The following MYLK4 variants were observed in gnomAD, a reference collection of about 807,000 sequenced individuals.
The protein encoded by MYLK4 is caMLCK like.
A neutral mutation model predicts 48.1 loss-of-function variants in MYLK4; 46 were observed. The observed-to-expected ratio is 0.96, with a 90% CI of 0.75 to 1.22. MYLK4 has a LOEUF of 1.22. Ranked by LOEUF, MYLK4 falls within the 50% of genes most tolerant of loss-of-function variation. MYLK4 has a pLI of 0.00. For missense variants in MYLK4, 451 were observed against 486.1 expected, an observed-to-expected ratio of 0.93 and a Z score of 0.68; for synonymous variants, 170 against 180.8, an observed-to-expected ratio of 0.94 and a Z score of 0.48.
rs146924438 is a variant in MYLK4 at position 2,669,612 on chromosome 6, G to A, written c.*25+1664C>T. The stretch of plus-strand genomic sequence containing the variant: ...TGCTTCTGGGGGTGAGGGTGAAGGC[G>A]AGGGAGAGAAGGAGTGGACACAGCC... On this transcript the variant is annotated intron_variant, in intron 12 of 12. Transcript: ENST00000274643. Among the ~76,000 whole-genome samples the A allele has an allele frequency of 5.4e-3, 823 of 152,266 alleles. 9 individuals are homozygous for A. The highest frequency in any genetic ancestry group is 0.035 in the South Asian group (167 of 4,816).
At chr6:2,761,607 A>G in the MYLK4 span, among the ~76,000 whole-genome samples, 1 of 152,202 alleles carries the variant, frequency 6.6e-6, no homozygotes, top group Admixed American at 6.5e-5. Context: ...AATTCTCATG[A>G]CAGACCGTGA....
At chr6:2,684,951 T>A (rs1761469637) in intron 6 of MYLK4, among the ~76,000 whole-genome samples, 2 of 152,078 alleles carry the variant, frequency 1.3e-5, no homozygotes, top group South Asian at 4.1e-4. Context: ...GTTGTTGACA[T>A]GACCTTTGTA....
intron 2 of MYLK4, among the ~76,000 whole-genome samples, chr6:2,698,920 AACTG>A (rs1204469520): frequency 6.6e-6 from 1 of 152,240 alleles, no homozygotes; most frequent in Non-Finnish European, 1.5e-5. Context: ...GCAGGACAGA[AACTG>A]ACTGACCAAA....
chr6:2,671,040 A>G (rs760883254), intron 12 of MYLK4, among the ~76,000 whole-genome samples: 3 of 151,754 alleles, frequency 2.0e-5, no homozygotes, highest in Non-Finnish European at 4.4e-5. Flanking sequence ...CGTGGGAGCC[A>G]CTCAACAAGC....
chr6:2,741,409 T>C (rs970026725), intron 2 of MYLK4, among the ~76,000 whole-genome samples: 1 of 152,174 alleles, frequency 6.6e-6, no homozygotes, highest in African/African-American at 2.4e-5. Flanking sequence ...ACAACAGAAA[T>C]GGCATAAAAC....
At chr6:2,768,847 A>G in the MYLK4 span, 1 of 1,613,108 alleles carries the variant, frequency 6.2e-7, no homozygotes, top group Non-Finnish European at 8.5e-7. Context: ...CATCCTTTTT[A>G]TTGATGAGAT....
chr6:2,716,737 G>T lies in MYLK4; in HGVS notation c.160-23878C>A, dbSNP rs374369135. 2.0e-5 allele frequency among the ~76,000 whole-genome samples: 3 copies of T among 152,312 alleles called. 1 individual carries two copies. On this transcript the variant is annotated intron_variant, in intron 2 of 12. Transcript: ENST00000274643. ...TGACTTGGCCATTTCTTAGCCATGT[G>T]ATCTTGGACAAGCTATACCTTTCTG...
intron 6 of MYLK4, among the ~76,000 whole-genome samples, chr6:2,683,849 A>G (rs1375182225): frequency 6.6e-6 from 1 of 152,190 alleles, no homozygotes; most frequent in Non-Finnish European, 1.5e-5. Flanking sequence ...GAAGGTAGTC[A>G]GGGTCTCAGC....
upstream of MYLK4, among the ~76,000 whole-genome samples, chr6:2,751,256 G>A (rs1169267442): frequency 1.3e-5 from 2 of 152,192 alleles, no homozygotes; most frequent in East Asian, 3.8e-4. Flanking sequence ...GAAAATGCCA[G>A]GTGTGGCAAC....
At chr6:2,721,940 C>T (rs1329772475) in intron 2 of MYLK4, among the ~76,000 whole-genome samples, 1 of 152,298 alleles carries the variant, frequency 6.6e-6, no homozygotes, top group East Asian at 1.9e-4. Context: ...AATGTAAGGT[C>T]TCAAAAATAT....
At chr6:2,691,213 G>A (rs551324297) in intron 3 of MYLK4, among the ~76,000 whole-genome samples, 19 of 152,224 alleles carry the variant, frequency 1.2e-4, no homozygotes, top group African/African-American at 4.6e-4. Flanking sequence ...AGCAGCTCTC[G>A]ACCTTACTGA....
At chr6:2,761,569 A>G in the MYLK4 span, among the ~76,000 whole-genome samples, 138 of 152,310 alleles carry the variant, frequency 9.1e-4, 2 homozygotes, top group East Asian at 0.025. Flanking sequence ...GCACTTTACT[A>G]AATACTTTCA....
chr6:2,685,235 G>T lies in MYLK4; in HGVS notation c.545+61C>A. 1.6e-6 allele frequency: 2 copies of T among 1,266,926 alleles called. No homozygotes were observed. Among genetic ancestry groups the T allele is most frequent in the Non-Finnish European group, 2.3e-6 (2 of 868,660 alleles). The allele number at this position is 1,266,926 out of a possible 1,614,324, so 78.5% of individuals were successfully genotyped here. A position where few individuals can be genotyped will look rare whatever the true frequency, so the allele number is the denominator to read the frequency against. Reference sequence around the variant, plus strand: ...GCTACAGCAGGACGGAGCTACTGAGGCACGGTCACGGTCATGAGTGCCCTT... The same window carrying T: ...GCTACAGCAGGACGGAGCTACTGAGTCACGGTCACGGTCATGAGTGCCCTT... On this transcript the variant is annotated intron_variant, in intron 6 of 12. Transcript: ENST00000274643. The surrounding 1 kb of genome is among the most constrained non-coding windows in gnomAD (Gnocchi z 4.5).
intron 2 of MYLK4, among the ~76,000 whole-genome samples, chr6:2,713,965 C>T (rs965772469): frequency 2.6e-5 from 4 of 152,156 alleles, no homozygotes; most frequent in Non-Finnish European, 5.9e-5. Flanking sequence ...ACACCTTATA[C>T]CCATTAGGAT....
chr6:2,669,498 C>A (rs1366477163), intron 12 of MYLK4, among the ~76,000 whole-genome samples: 1 of 152,216 alleles, frequency 6.6e-6, no homozygotes, highest in Non-Finnish European at 1.5e-5. Context: ...GAATTCATTC[C>A]CACCAGGCCT....
intron 2 of MYLK4, among the ~76,000 whole-genome samples, chr6:2,708,496 T>C (rs1762568939): frequency 6.6e-6 from 1 of 152,304 alleles, no homozygotes; most frequent in South Asian, 2.1e-4. Context: ...GCTAACAAAG[T>C]AGAGAAATTA....
intron 2 of MYLK4, among the ~76,000 whole-genome samples, chr6:2,742,919 T>C (rs1040858889): frequency 2.0e-5 from 3 of 152,200 alleles, no homozygotes; most frequent in African/African-American, 7.2e-5. Flanking sequence ...GGATAGATTG[T>C]CTAACTCCCC....
At chr6:2,714,235 T>TA (rs954374333) in intron 2 of MYLK4, among the ~76,000 whole-genome samples, 1 of 152,178 alleles carries the variant, frequency 6.6e-6, no homozygotes, top group African/African-American at 2.4e-5. Context: ...CTCATTAGCA[T>TA]AACACATCTC....
intron 2 of MYLK4, among the ~76,000 whole-genome samples, chr6:2,733,643 G>T (rs1763556688): frequency 6.6e-6 from 1 of 152,132 alleles, no homozygotes; most frequent in South Asian, 2.1e-4. Flanking sequence ...TTATTATAAG[G>T]TCTAACCAAT....
Sources: allele counts gnomAD v4.1 joint callset (sites outside exome capture counted in the v4.1 genomes callset), GRCh38; gene constraint gnomAD v4.1.1; non-coding constraint Gnocchi (gnomAD v3.1); transcripts MANE v1.5; gene names NCBI Gene and HGNC (gene_info 2026-07-23, HGNC 2026-07-21).